The following SPRED1 variants were observed in gnomAD, a reference collection of about 807,000 sequenced individuals.
The protein encoded by SPRED1 is sprouty-related, EVH1 domain-containing protein 1.
Under a neutral mutation model 52.3 loss-of-function variants are expected in SPRED1, and 18 were observed. The ratio of observed to expected loss-of-function variants is 0.34; its 90% CI spans 0.24 to 0.51. SPRED1 has a LOEUF of 0.51. Ranked by LOEUF, SPRED1 falls within the 20% of genes least tolerant of loss-of-function variation. SPRED1 has a pLI of 0.97. For synonymous variants in SPRED1, 155 were observed against 179.7 expected, an observed-to-expected ratio of 0.86 and a Z score of 1.10; for missense variants, 485 against 551.0, an observed-to-expected ratio of 0.88 and a Z score of 1.20.
chr15:38,253,451 C>T (rs969949205), intron 1 of SPRED1, among the ~76,000 whole-genome samples: 1 of 152,070 alleles, frequency 6.6e-6, no homozygotes, highest in African/African-American at 2.4e-5. Flanking sequence ...GAGAGGATGG[C>T]AATTGTACGT....
Position 38,265,095 on chromosome 15 carries a change from A to T in SPRED1, c.32+11878A>T, listed in dbSNP as rs558122795. Reference sequence around the variant, plus strand: ...GTTAGAGAAGCCCTTTCAAATAAAAATTTACTAATTTAAATTTTACAGTTA... The same window carrying T: ...GTTAGAGAAGCCCTTTCAAATAAAATTTTACTAATTTAAATTTTACAGTTA... On this transcript the variant is annotated intron_variant, in intron 1 of 6. Coordinates refer to ENST00000299084, the MANE Select transcript of SPRED1 (RefSeq NM_152594.3). Among the ~76,000 whole-genome samples, 10 of 152,278 alleles carry T rather than the reference A, an allele frequency of 6.6e-5. No individual in the cohort carries two copies. The East Asian group carries it at 1.9e-3, about 29-fold the overall frequency.
intron 1 of SPRED1, among the ~76,000 whole-genome samples, chr15:38,284,491 C>T (rs1052144822): frequency 6.6e-6 from 1 of 151,870 alleles, no homozygotes; most frequent in Non-Finnish European, 1.5e-5. Context: ...TGTCATTTGT[C>T]TTCTAATATC....
intron 1 of SPRED1, among the ~76,000 whole-genome samples, chr15:38,270,568 A>AG (rs984902078): frequency 2.0e-5 from 3 of 152,192 alleles, no homozygotes; most frequent in African/African-American, 7.2e-5. Flanking sequence ...AGCAAGTATT[A>AG]GCAAGGCAGA....
intron 1 of SPRED1, among the ~76,000 whole-genome samples, chr15:38,273,355 A>C (rs918804515): frequency 6.6e-6 from 1 of 152,030 alleles, no homozygotes; most frequent in Non-Finnish European, 1.5e-5. Context: ...AGTAGCTACA[A>C]TCTTAACTGT....
chr15:38,292,563 A>G (rs1040223706), intron 1 of SPRED1, among the ~76,000 whole-genome samples: 3 of 152,188 alleles, frequency 2.0e-5, no homozygotes, highest in Admixed American at 6.5e-5. Context: ...TATGATGGCA[A>G]CAAGAGAAAA....
At chr15:38,344,815 C>T (rs897506115) in intron 5 of SPRED1, among the ~76,000 whole-genome samples, 2 of 152,068 alleles carry the variant, frequency 1.3e-5, no homozygotes, top group African/African-American at 4.8e-5. Context: ...TTGATAATTT[C>T]TTATCTCCAA....
At chr15:38,311,460 C>T (rs1175958950) in intron 2 of SPRED1, among the ~76,000 whole-genome samples, 3 of 152,034 alleles carry the variant, frequency 2.0e-5, no homozygotes, top group Non-Finnish European at 2.9e-5. Context: ...TTGGGAAGTA[C>T]TCCCTCATAT....
At chr15:38,284,494 C>G (rs1384948325) in intron 1 of SPRED1, among the ~76,000 whole-genome samples, 2 of 151,940 alleles carry the variant, frequency 1.3e-5, no homozygotes, top group African/African-American at 4.8e-5. Context: ...CATTTGTCTT[C>G]TAATATCTTG....
At chr15:38,329,936 C>T (rs1895776447) in intron 4 of SPRED1, among the ~76,000 whole-genome samples, 1 of 152,142 alleles carries the variant, frequency 6.6e-6, no homozygotes, top group Non-Finnish European at 1.5e-5. Context: ...AGCTATACTA[C>T]AATTTAATCA....
intron 4 of SPRED1, among the ~76,000 whole-genome samples, chr15:38,339,396 T>G (rs992459720): frequency 7.2e-5 from 11 of 152,170 alleles, no homozygotes; most frequent in African/African-American, 2.7e-4. Context: ...TTCCTAATAA[T>G]TTCTGCATTT....
chr15:38,272,974 C>T (rs751313990), intron 1 of SPRED1, among the ~76,000 whole-genome samples: 7 of 152,058 alleles, frequency 4.6e-5, no homozygotes, highest in Non-Finnish European at 8.8e-5. Context: ...TATTTTCTCC[C>T]GTTCTGTAGG....
chr15:38,340,492 C>T (rs7164021), intron 5 of SPRED1, among the ~76,000 whole-genome samples: 125,261 of 152,068 alleles, frequency 0.82, 52,384 homozygotes, highest in Non-Finnish European at 0.9. Context: ...TTTAAGTCTG[C>T]GCTTATAAAA....
At chr15:38,264,243 C>T (rs547463692) in intron 1 of SPRED1, among the ~76,000 whole-genome samples, 11 of 152,226 alleles carry the variant, frequency 7.2e-5, no homozygotes, top group Non-Finnish European at 1.2e-4. Context: ...GCCATGGCCA[C>T]GCAAGAGAGT....
chr15:38,285,256 T>C (rs924259197), intron 1 of SPRED1, among the ~76,000 whole-genome samples: 14 of 152,198 alleles, frequency 9.2e-5, no homozygotes, highest in African/African-American at 3.4e-4. Flanking sequence ...TTTAAGGATG[T>C]ATTCAAGAAC....
Position 38,349,530 on chromosome 15 carries a change from A to T in SPRED1, c.684+7A>T. ...CCTAAAGTCCCAAAATAGGGTAAGT[A>T]ATGTTAGTTTATCTTGTGATATGGA... On this transcript the variant is annotated splice_region_variant and intron_variant, in intron 6 of 6. Coordinates refer to ENST00000299084, the MANE Select transcript of SPRED1 (RefSeq NM_152594.3). 6.3e-7 allele frequency: 1 copy of T among 1,576,922 alleles called. No individual in the cohort carries two copies. Among genetic ancestry groups the T allele is most frequent in the Non-Finnish European group, 8.7e-7 (1 of 1,147,954 alleles).
At chr15:38,298,870 A>C (rs1895093820) in intron 1 of SPRED1, among the ~76,000 whole-genome samples, 1 of 152,196 alleles carries the variant, frequency 6.6e-6, no homozygotes, top group Non-Finnish European at 1.5e-5. Context: ...TGGTAGAATA[A>C]ATTAAAAATG....
chr15:38,261,809 A>T (rs7166029), intron 1 of SPRED1, among the ~76,000 whole-genome samples: 125,549 of 152,226 alleles, frequency 0.82, 52,550 homozygotes, highest in Non-Finnish European at 0.9. Flanking sequence ...CTGTTCATGT[A>T]GTTAGGAATT....
intron 1 of SPRED1, among the ~76,000 whole-genome samples, chr15:38,276,911 G>T (rs1299362137): frequency 6.6e-6 from 1 of 152,112 alleles, no homozygotes; most frequent in Non-Finnish European, 1.5e-5. Flanking sequence ...AGTTGTGTTA[G>T]GTTAGTGATC....
intron 2 of SPRED1, among the ~76,000 whole-genome samples, chr15:38,314,038 A>G (rs191427169): frequency 1.8e-4 from 28 of 151,938 alleles, no homozygotes; most frequent in Admixed American, 1.4e-3. Flanking sequence ...GTTGTATTGC[A>G]TTATGTTTAG....
Sources: allele counts gnomAD v4.1 joint callset (sites outside exome capture counted in the v4.1 genomes callset), GRCh38; gene constraint gnomAD v4.1.1; transcripts MANE v1.5; gene names NCBI Gene and HGNC (gene_info 2026-07-23, HGNC 2026-07-21).